GPC6: variants seen among roughly 807,000 people sequenced by gnomAD.
GPC6 encodes glypican 6, also known as glypican-6.
GPC6 carries 14 observed loss-of-function variants against 55.2 expected under a neutral mutation model. The observed-to-expected ratio is 0.25, with a 90% CI of 0.17 to 0.40. The LOEUF (loss-of-function observed/expected upper bound fraction) is 0.40. Among genes scored for constraint, GPC6 ranks in the 10% least tolerant of loss-of-function variants. GPC6 has a pLI of 1.00. For synonymous variants in GPC6, 278 were observed against 259.6 expected (o/e 1.07, Z -0.68); for missense variants, 641 against 708.5 (o/e 0.90, Z 1.08).
chr13:94,077,277 T>C (rs1884949383), intron 4 of GPC6, among the ~76,000 whole-genome samples: 1 of 151,882 alleles, frequency 6.6e-6, no homozygotes, highest in Non-Finnish European at 1.5e-5. Flanking sequence ...TTTCTTCAGA[T>C]AGCTCATTGT....
chr13:94,363,139 T>C (rs1879133246), intron 6 of GPC6, among the ~76,000 whole-genome samples: 1 of 152,186 alleles, frequency 6.6e-6, no homozygotes, highest in Non-Finnish European at 1.5e-5. Context: ...ATATTTTCCT[T>C]TATTAAAACC....
rs576952914 is a variant in GPC6, at chr13:94,262,053, G to A, written c.878-24296G>A. ...GGAGGAGAGGAAGTGGGATCTATAA[G>A]GAGCTGAGGCAAAGAAGTCTTGGGA... On this transcript the variant is annotated intron_variant, in intron 4 of 8. Transcript: ENST00000377047. Among the ~76,000 whole-genome samples, 19 of 152,296 alleles carry A rather than the reference G, an allele frequency of 1.2e-4. 1 individual carries two copies. The highest frequency in any genetic ancestry group is 4.6e-4 in the African/African-American group (19 of 41,544).
chr13:93,577,402 C>A (rs1876717402), intron 2 of GPC6, among the ~76,000 whole-genome samples: 1 of 152,004 alleles, frequency 6.6e-6, no homozygotes, highest in South Asian at 2.1e-4. Context: ...TGTGACTTTT[C>A]CTAGTTCTTT....
At chr13:93,459,978 C>T (rs11619550) in intron 1 of GPC6, among the ~76,000 whole-genome samples, 33,806 of 152,070 alleles carry the variant, frequency 0.22, 4,274 homozygotes, top group Middle Eastern at 0.37. Flanking sequence ...GTTAAGCTGC[C>T]CTTCTCAAGG....
chr13:93,511,250 G>A (rs7316980), intron 1 of GPC6, among the ~76,000 whole-genome samples: 123,939 of 151,006 alleles, frequency 0.82, 51,792 homozygotes, highest in Middle Eastern at 0.91. Flanking sequence ...GGTCTTAGTC[G>A]TAAGTTCTTT....
intron 2 of GPC6, among the ~76,000 whole-genome samples, chr13:93,792,112 G>C (rs946069081): frequency 1.3e-5 from 2 of 152,222 alleles, no homozygotes; most frequent in Non-Finnish European, 2.9e-5. Context: ...AAATGGAAAT[G>C]CTATTGAACC....
At chr13:93,562,752 T>C (rs1242102509) in intron 2 of GPC6, among the ~76,000 whole-genome samples, 1 of 152,172 alleles carries the variant, frequency 6.6e-6, no homozygotes, top group African/African-American at 2.4e-5. Flanking sequence ...ATTTGTTAAG[T>C]AATACTATGT....
intron 2 of GPC6, among the ~76,000 whole-genome samples, chr13:93,669,622 G>A (rs1175755659): frequency 6.6e-6 from 1 of 152,156 alleles, no homozygotes; most frequent in Non-Finnish European, 1.5e-5. Flanking sequence ...TAACAGTTGA[G>A]TTTTATTCAT....
chr13:94,072,866 A>C (rs1884785587), intron 4 of GPC6, among the ~76,000 whole-genome samples: 1 of 152,200 alleles, frequency 6.6e-6, no homozygotes, highest in South Asian at 2.1e-4. Flanking sequence ...GGTGATGCCC[A>C]CGGCCTTGCA....
At position 94,382,509 on chromosome 13, in the gene GPC6, G is replaced by A. The variant is rs2274020; in HGVS notation, c.1248G>A (p.Thr416=). Residue 416 remains threonine, a synonymous_variant, in exon 7 of 9, where the codon ACG becomes ACA. Coordinates refer to ENST00000377047, the MANE Select transcript of GPC6 (RefSeq NM_005708.5). ...ICKDESVTAG[T]SNEEECWNGH... is the part of the protein sequence containing the mutation. The stretch of plus-strand genomic sequence containing the variant: ...AGGACGAGAGCGTGACAGCGGGCAC[G>A]TCCAACGAGGAGGAATGCTGGAACG... 0.1 allele frequency: 168,941 copies of A among 1,614,038 alleles called. 10,269 individuals carry two copies. Among genetic ancestry groups the A allele is most frequent in the East Asian group, 0.25 (11,414 of 44,864 alleles).
At chr13:93,977,170 A>G (rs763936415) in intron 3 of GPC6, among the ~76,000 whole-genome samples, 1 of 152,136 alleles carries the variant, frequency 6.6e-6, no homozygotes, top group Non-Finnish European at 1.5e-5. Flanking sequence ...TTTCCTTAAA[A>G]GTGAACCTGC....
chr13:93,481,199 C>T (rs533528150), intron 1 of GPC6, among the ~76,000 whole-genome samples: 123 of 152,252 alleles, frequency 8.1e-4, no homozygotes, highest in African/African-American at 2.6e-3. Context: ...CAATTTTGAG[C>T]ATTAGCTCTT....
At chr13:93,357,172 C>CT (rs1208151046) in intron 1 of GPC6, among the ~76,000 whole-genome samples, 14 of 152,304 alleles carry the variant, frequency 9.2e-5, no homozygotes, top group African/African-American at 3.4e-4. Context: ...TCATTGTGCA[C>CT]TGAATTTCTG....
intron 1 of GPC6, among the ~76,000 whole-genome samples, chr13:93,511,604 A>G (rs924539948): frequency 2.0e-5 from 3 of 152,012 alleles, no homozygotes; most frequent in Non-Finnish European, 2.9e-5. Flanking sequence ...GAAGTGATGT[A>G]ATGGAATACT....
At chr13:94,058,090 A>G (rs1048105903) in intron 4 of GPC6, among the ~76,000 whole-genome samples, 1 of 152,194 alleles carries the variant, frequency 6.6e-6, no homozygotes, top group Admixed American at 6.6e-5. Context: ...AACCTAGACT[A>G]CTATTACAGA....
intron 2 of GPC6, among the ~76,000 whole-genome samples, chr13:93,801,272 G>A (rs753142534): frequency 3.3e-5 from 5 of 152,090 alleles, no homozygotes; most frequent in African/African-American, 7.2e-5. Flanking sequence ...GGTCTTTTCA[G>A]GCTGTATGTA....
At chr13:93,637,463 AG>A (rs1879747307) in intron 2 of GPC6, among the ~76,000 whole-genome samples, 1 of 151,924 alleles carries the variant, frequency 6.6e-6, no homozygotes, top group Non-Finnish European at 1.5e-5. Context: ...TCTGGGATGT[AG>A]GTCTTTTGAA....
chr13:93,804,098 A>G (rs982460556), intron 2 of GPC6, among the ~76,000 whole-genome samples: 4 of 151,330 alleles, frequency 2.6e-5, no homozygotes, highest in Admixed American at 6.6e-5. Context: ...TTATATCTTA[A>G]TAAAACTGTT....
chr13:93,385,344 C>T (rs1033898133), intron 1 of GPC6, among the ~76,000 whole-genome samples: 3 of 152,224 alleles, frequency 2.0e-5, no homozygotes, highest in Non-Finnish European at 4.4e-5. Context: ...TTTCATAAGC[C>T]GGGGCAAGTG....
Sources: allele counts gnomAD v4.1 joint callset (sites outside exome capture counted in the v4.1 genomes callset), GRCh38; gene constraint gnomAD v4.1.1; transcripts MANE v1.5; gene names NCBI Gene and HGNC (gene_info 2026-07-23, HGNC 2026-07-21).